EFNA5: variants seen among roughly 807,000 people sequenced by gnomAD.
EFNA5 encodes the protein ephrin-A5.
In EFNA5, 5 loss-of-function variants were observed where a neutral mutation model predicts 22.9. That is an observed-to-expected ratio of 0.22 (90% CI 0.11 to 0.46). The LOEUF (loss-of-function observed/expected upper bound fraction) is 0.46, where lower values mean the gene tolerates loss of function less well. Among genes scored for constraint, EFNA5 ranks in the 20% least tolerant of loss-of-function variants. The pLI is 0.99. For missense variants in EFNA5, 237 were observed against 293.3 expected (o/e 0.81, Z 1.40); for synonymous variants, 113 against 112.2 (o/e 1.01, Z -0.04).
At chr5:107,435,315 C>CTTTTTTTTTTTTT (rs3999107) in intron 1 of EFNA5, among the ~76,000 whole-genome samples, 51 of 104,640 alleles carry the variant, frequency 4.9e-4, no homozygotes, top group African/African-American at 1.3e-3. Flanking sequence ...TGAAGATGCT[C>CTTTTTTTTTTTTT]TTTTTTTTTT....
chr5:107,524,571 C>T (rs192546494), intron 1 of EFNA5, among the ~76,000 whole-genome samples: 73 of 152,316 alleles, frequency 4.8e-4, no homozygotes, highest in African/African-American at 1.3e-3. Flanking sequence ...AGAAAGTTAA[C>T]TACATACAGG....
chr5:107,432,486 T>C (rs915625299), intron 1 of EFNA5, among the ~76,000 whole-genome samples: 3 of 152,310 alleles, frequency 2.0e-5, no homozygotes, highest in East Asian at 3.9e-4. Context: ...TCTATACCTC[T>C]ATCTGAGATC....
chr5:107,454,379 G>C (rs1749638714), intron 1 of EFNA5, among the ~76,000 whole-genome samples: 1 of 151,958 alleles, frequency 6.6e-6, no homozygotes, highest in African/African-American at 2.4e-5. Flanking sequence ...TTAAAATTAA[G>C]ATTAAGAATA....
At chr5:107,391,159 A>AAAAT (rs1235264248) in intron 2 of EFNA5, among the ~76,000 whole-genome samples, 1 of 152,232 alleles carries the variant, frequency 6.6e-6, no homozygotes, top group East Asian at 1.9e-4. Context: ...CTCTGTATCA[A>AAAAT]AAATAAATAA....
intron 1 of EFNA5, among the ~76,000 whole-genome samples, chr5:107,452,992 T>C (rs978649921): frequency 1.4e-4 from 22 of 152,318 alleles, no homozygotes; most frequent in African/African-American, 5.3e-4. Context: ...AAAGCTTATA[T>C]GAATGTTGTA....
At chr5:107,637,306 T>C (rs745641643) in intron 1 of EFNA5, among the ~76,000 whole-genome samples, 1 of 152,158 alleles carries the variant, frequency 6.6e-6, no homozygotes, top group Non-Finnish European at 1.5e-5. Flanking sequence ...TTAAAATAAG[T>C]CATTTCAATC....
chr5:107,565,832 C>T (rs1748654461), intron 1 of EFNA5, among the ~76,000 whole-genome samples: 1 of 152,292 alleles, frequency 6.6e-6, no homozygotes, highest in Non-Finnish European at 1.5e-5. Context: ...AGAGCTGAGT[C>T]AATCTATTTT....
In EFNA5 at chr5:107,670,676, G is replaced by A. The variant is rs1182382386; in HGVS notation, c.-63C>T. 2.6e-6 allele frequency: 4 copies of A among 1,567,660 alleles called. No individual in the cohort carries two copies. Among genetic ancestry groups the A allele is most frequent in the Non-Finnish European group, 3.5e-6 (4 of 1,157,702 alleles). On this transcript the variant is annotated 5_prime_UTR_variant, in exon 1 of 5. Coordinates refer to ENST00000333274, the MANE Select transcript of EFNA5 (RefSeq NM_001962.3). The stretch of plus-strand genomic sequence containing the variant: ...CCGGGGAGAGAGCGGGGATCCGGAG[G>A]GAGGGAGGCAGGCAAAGGGACAGAG...
chr5:107,527,903 T>A (rs75464022), intron 1 of EFNA5, among the ~76,000 whole-genome samples: 6,691 of 152,170 alleles, frequency 0.044, 466 homozygotes, highest in African/African-American at 0.15. Flanking sequence ...TCCCCCTCAG[T>A]ACATGAAAAA....
chr5:107,395,612 T>G (rs1237445935), intron 2 of EFNA5, among the ~76,000 whole-genome samples: 2 of 152,256 alleles, frequency 1.3e-5, no homozygotes, highest in Non-Finnish European at 2.9e-5. Flanking sequence ...ACTAGTGTTC[T>G]AACTATTCTC....
At chr5:107,642,462 T>TAAAAAAAAA (rs752015344) in intron 1 of EFNA5, among the ~76,000 whole-genome samples, 1 of 70,748 alleles carries the variant, frequency 1.4e-5, no homozygotes. Context: ...TTTTGTCAAC[T>TAAAAAAAAA]AAAAAAAAAA....
At chr5:107,429,089 G>A (rs780129584) in intron 1 of EFNA5, among the ~76,000 whole-genome samples, 1 of 152,034 alleles carries the variant, frequency 6.6e-6, no homozygotes, top group African/African-American at 2.4e-5. Context: ...TGCAGCACCC[G>A]AACATAAACA....
intron 1 of EFNA5, among the ~76,000 whole-genome samples, chr5:107,586,039 A>G (rs73781124): frequency 0.01 from 1,543 of 152,298 alleles, 32 homozygotes; most frequent in African/African-American, 0.034. Context: ...AACTAAAGCT[A>G]GAGTGGATGC....
intron 1 of EFNA5, among the ~76,000 whole-genome samples, chr5:107,623,046 A>C (rs1249185249): frequency 1.3e-5 from 2 of 150,062 alleles, no homozygotes; most frequent in African/African-American, 2.4e-5. Context: ...AAAAAAAAAA[A>C]AAAAAAAAAA....
At chr5:107,433,774 GCC>G (rs1317216654) in intron 1 of EFNA5, among the ~76,000 whole-genome samples, 2 of 151,972 alleles carry the variant, frequency 1.3e-5, no homozygotes, top group African/African-American at 2.4e-5. Context: ...AGTAGTGTGT[GCC>G]TGTAGTCCCA....
chr5:107,445,229 G>A (rs1030746410), intron 1 of EFNA5, among the ~76,000 whole-genome samples: 3 of 152,018 alleles, frequency 2.0e-5, no homozygotes, highest in African/African-American at 7.2e-5. Context: ...TGCCATGTTG[G>A]TCAGGCTGGT....
intron 1 of EFNA5, among the ~76,000 whole-genome samples, chr5:107,472,084 C>T (rs1750156026): frequency 6.6e-6 from 1 of 152,184 alleles, no homozygotes; most frequent in East Asian, 1.9e-4. Flanking sequence ...GCCATACACA[C>T]AAAATATAAA....
intron 1 of EFNA5, among the ~76,000 whole-genome samples, chr5:107,587,989 G>A (rs1337118123): frequency 3.3e-5 from 5 of 152,116 alleles, no homozygotes; most frequent in African/African-American, 4.8e-5. Context: ...GCAAACCAAC[G>A]TGCACAAAAG....
rs890242639 is a variant in EFNA5, at chr5:107,670,785, G to A, written c.-172C>T. On this transcript the variant is annotated 5_prime_UTR_variant, in exon 1 of 5. Coordinates refer to ENST00000333274, the MANE Select transcript of EFNA5 (RefSeq NM_001962.3). Reference sequence around the variant, plus strand: ...AGAGGCGCCCACCAAGCTGGGGAGGGGTAGGAGAGCGAGAAGAAAAGAAGG... The same window carrying A: ...AGAGGCGCCCACCAAGCTGGGGAGGAGTAGGAGAGCGAGAAGAAAAGAAGG... 2.3e-4 allele frequency: 197 copies of A among 863,430 alleles called. No individual in the cohort carries two copies. The highest frequency in any genetic ancestry group is 3.1e-4 in the Non-Finnish European group (181 of 576,314). 53.5% of individuals were successfully genotyped at this position (863,430 alleles called of 1,614,324 possible).
Sources: allele counts gnomAD v4.1 joint callset (sites outside exome capture counted in the v4.1 genomes callset), GRCh38; gene constraint gnomAD v4.1.1; transcripts MANE v1.5; gene names NCBI Gene and HGNC (gene_info 2026-07-23, HGNC 2026-07-21).